The following BLK variants were observed in gnomAD, a reference collection of about 807,000 sequenced individuals.
BLK encodes the protein BLK proto-oncogene, Src family tyrosine kinase.
BLK carries 64 observed loss-of-function variants against 61.8 expected under a neutral mutation model. The ratio of observed to expected loss-of-function variants is 1.03; its 90% CI spans 0.85 to 1.27. The LOEUF is 1.27. Ranked by LOEUF, BLK falls within the 50% of genes most tolerant of loss-of-function variation. The pLI is 0.00. For synonymous variants in BLK, 351 were observed against 272.0 expected (o/e 1.29, Z -2.86); for missense variants, 853 against 660.5 (o/e 1.29, Z -3.19).
At chr8:11,551,306 G>A (rs79566516) in intron 6 of BLK, among the ~76,000 whole-genome samples, 5,086 of 152,148 alleles carry the variant, frequency 0.033, 255 homozygotes, top group African/African-American at 0.11. Context: ...TGTCAGCAGC[G>A]TTGGCTCCTC....
Position 11,564,438 on chromosome 8 carries a change from C to T in BLK, c.*330C>T. The T allele has an allele frequency of 1.7e-6, 1 of 574,222 alleles. No homozygotes were observed. The highest frequency in any genetic ancestry group is 3.3e-6 in the Non-Finnish European group (1 of 302,520). The allele number at this position is 574,222 out of a possible 1,614,324, so 35.6% of individuals were successfully genotyped here. The stretch of plus-strand genomic sequence containing the variant: ...AAGTAAGGCCCCCGTGCTGGGCACC[C>T]CCCGTGCTGGCCGCGTCCCCGCCTC... On this transcript the variant is annotated 3_prime_UTR_variant, in exon 13 of 13. Transcript: ENST00000259089.
chr8:11,535,320 GA>G (rs1214337881), intron 1 of BLK, among the ~76,000 whole-genome samples: 1 of 115,352 alleles, frequency 8.7e-6, no homozygotes, highest in South Asian at 3.4e-4. Context: ...AAGAAAGAAA[GA>G]AAGAGAAGGA....
chr8:11,553,058 A>G (rs1273220818), intron 6 of BLK: 11 of 171,932 alleles, frequency 6.4e-5, no homozygotes, highest in African/African-American at 2.1e-4. Context: ...ACATATGCAC[A>G]GATGCAATGA....
Position 11,556,737 on chromosome 8 carries a change from G to A in BLK, c.852G>A (p.Glu284=), listed in dbSNP as rs1451808641. ...TGTCTCCAGAAGCCTTTCTGGGTGA[G>A]GCCAACGTGATGAAGGCTCTGCAGC... is the stretch of plus-strand genomic sequence containing the variant. The part of the protein sequence containing the change: ...GTMSPEAFLG[E]ANVMKALQHE... Residue 284 remains glutamate (E), a synonymous_variant, in exon 9 of 13, where the codon GAG becomes GAA. Coordinates refer to ENST00000259089, the MANE Select transcript of BLK (RefSeq NM_001715.3). 3 of 1,614,080 alleles carry A rather than the reference G, an allele frequency of 1.9e-6. No individual in the cohort carries two copies. In the Admixed American group the frequency reaches 5.0e-5, roughly 27 times the overall value.
Position 11,561,103 on chromosome 8 carries a change from C to T in BLK, c.1030-199C>T, listed in dbSNP as rs116838939. 8.2e-4 allele frequency: 624 copies of T among 761,686 alleles called. 4 individuals are homozygous for T. In the Middle Eastern group the frequency reaches 9.6e-3, roughly 12 times the overall value. The allele number at this position is 761,686 out of a possible 1,614,324, so 47.2% of individuals were successfully genotyped here. A position where few individuals can be genotyped will look rare whatever the true frequency, so the allele number is the denominator to read the frequency against. ...CAGGTAGCCCCTGTGTCTCTGATGCCCACGTTGCTGCGTTGCTGTTCTGGG... is the reference window on the plus strand; with the variant it reads ...CAGGTAGCCCCTGTGTCTCTGATGCTCACGTTGCTGCGTTGCTGTTCTGGG... On this transcript the variant is annotated intron_variant, in intron 10 of 12. Transcript: ENST00000259089.
At chr8:11,563,292 G>A (rs906487348) in intron 12 of BLK, among the ~76,000 whole-genome samples, 182 bp downstream of exon 12, 1 of 152,236 alleles carries the variant, frequency 6.6e-6, no homozygotes, top group Non-Finnish European at 1.5e-5. Context: ...ATTGCTCTGG[G>A]CCACAGGGCT....
chr8:11,520,670 T>C (rs1025429204), intron 1 of BLK, among the ~76,000 whole-genome samples: 5 of 152,204 alleles, frequency 3.3e-5, no homozygotes, highest in East Asian at 1.9e-4. Context: ...CCTGCTAACA[T>C]TGAGATAATT....
intron 10 of BLK, chr8:11,559,643 C>G: frequency 4.8e-6 from 2 of 415,466 alleles, no homozygotes; most frequent in Non-Finnish European, 9.6e-6. Context: ...TCTTCCAAGG[C>G]CAGATCTGGC....
rs577735195 is a variant in BLK, at chr8:11,559,956, C to T, written c.1030-1346C>T. On this transcript the variant is annotated intron_variant, in intron 10 of 12. Coordinates refer to ENST00000259089, the MANE Select transcript of BLK (RefSeq NM_001715.3). ...GAAAGCAGATCTGGGCCCTACTCAA[C>T]ATTTTTTAAAATATATTTCTGGTAC... 1.5e-5 allele frequency: 6 copies of T among 391,574 alleles called. No homozygotes were observed. In the East Asian group the frequency reaches 4.3e-4, roughly 28 times the overall value. 24.3% of individuals were successfully genotyped at this position (391,574 alleles called of 1,614,324 possible). A position where few individuals can be genotyped will look rare whatever the true frequency, so the allele number is the denominator to read the frequency against.
At chr8:11,522,264 C>A (rs1041000529) in intron 1 of BLK, among the ~76,000 whole-genome samples, 3 of 152,118 alleles carry the variant, frequency 2.0e-5, no homozygotes, top group African/African-American at 4.8e-5. Flanking sequence ...ATCCATATAA[C>A]CCATGAGCAT....
intron 2 of BLK, among the ~76,000 whole-genome samples, chr8:11,545,220 C>T (rs993639716): frequency 3.9e-5 from 6 of 152,040 alleles, no homozygotes; most frequent in African/African-American, 1.4e-4. Flanking sequence ...TTTGTTTATT[C>T]TTCTGTCATG....
chr8:11,494,485 C>T lies in BLK; in HGVS notation c.-108C>T, dbSNP rs1441097193. 3 of 152,230 alleles carry T rather than the reference C, an allele frequency of 2.0e-5. No individual in the cohort carries two copies. Among genetic ancestry groups the T allele is most frequent in the African/African-American group, 7.2e-5 (3 of 41,448 alleles). The allele number at this position is 152,230 out of a possible 1,614,324, so 9.4% of individuals were successfully genotyped here. ...AGAATTCATCTGGGACTGGCTTTTGCTTTAGGATGGTGTTGGAAGTTGCTC... is the reference window on the plus strand; with the variant it reads ...AGAATTCATCTGGGACTGGCTTTTGTTTTAGGATGGTGTTGGAAGTTGCTC... On this transcript the variant is annotated 5_prime_UTR_variant, in exon 1 of 13. Transcript: ENST00000259089.
At chr8:11,499,389 G>C (rs184573582) in intron 1 of BLK, among the ~76,000 whole-genome samples, 1 of 152,322 alleles carries the variant, frequency 6.6e-6, no homozygotes, top group South Asian at 2.1e-4. Flanking sequence ...GAAGCAATAC[G>C]TAACTATATT....
chr8:11,544,596 G>C (rs1001336226), intron 2 of BLK, among the ~76,000 whole-genome samples: 1 of 152,152 alleles, frequency 6.6e-6, no homozygotes, highest in Admixed American at 6.5e-5. Flanking sequence ...AAAATTATAT[G>C]ATAATAAGTA....
chr8:11,495,879 C>A (rs1050994596), intron 1 of BLK, among the ~76,000 whole-genome samples: 2 of 152,120 alleles, frequency 1.3e-5, no homozygotes, highest in South Asian at 2.1e-4. Context: ...ATTAGAAGAA[C>A]CTGGTGAAGG....
At chr8:11,550,101 G>A in intron 5 of BLK, 58 bp from the exon 6 acceptor site, 1 of 1,476,410 alleles carries the variant, frequency 6.8e-7, no homozygotes, top group Non-Finnish European at 9.5e-7. Flanking sequence ...GAGGCTGTGT[G>A]GGAATACTCC....
At chr8:11,526,580 G>A (rs1446618762) in intron 1 of BLK, among the ~76,000 whole-genome samples, 9 of 152,130 alleles carry the variant, frequency 5.9e-5, no homozygotes, top group East Asian at 1.9e-4. Flanking sequence ...TTAGCTGGGC[G>A]TTGTGGCACA....
At chr8:11,550,120 G>A in intron 5 of BLK, 39 bp from the exon 6 acceptor site, 1 of 1,565,238 alleles carries the variant, frequency 6.4e-7, no homozygotes, top group South Asian at 1.1e-5. Context: ...CCGAGGAGCA[G>A]GGTCGCTCTG....
intron 1 of BLK, among the ~76,000 whole-genome samples, chr8:11,524,166 C>T (rs1449457027): frequency 6.6e-6 from 1 of 152,110 alleles, no homozygotes; most frequent in African/African-American, 2.4e-5. Flanking sequence ...TGCAGTTATT[C>T]ATATGGTTCA....
Sources: gnomAD v4.1 joint callset for allele counts (sites outside exome capture counted in the v4.1 genomes callset) on GRCh38, gnomAD v4.1.1 for gene constraint, MANE v1.5 for transcripts, NCBI Gene and HGNC (gene_info 2026-07-23, HGNC 2026-07-21) for gene names.